Variants in HS3ST4 observed in about 807,000 individuals in gnomAD.
HS3ST4 encodes heparan sulfate-glucosamine 3-sulfotransferase 4, also known as heparan sulfate glucosamine 3-O-sulfotransferase 4.
HS3ST4 carries 17 observed loss-of-function variants against 29.2 expected under a neutral mutation model. The ratio of observed to expected loss-of-function variants is 0.58; its 90% confidence interval spans 0.40 to 0.87. The LOEUF is 0.87. HS3ST4 is among the 40% of genes least tolerant of loss of function. HS3ST4 has a pLI of 0.00. For missense variants in HS3ST4, 627 were observed against 634.5 expected (o/e 0.99, Z 0.13); for synonymous variants, 314 against 285.7 (o/e 1.10, Z -1.00).
chr16:25,907,657 C>A (rs1227274281), intron 1 of HS3ST4, among the ~76,000 whole-genome samples: 1 of 152,100 alleles, frequency 6.6e-6, no homozygotes, highest in East Asian at 1.9e-4. Flanking sequence ...CAATATTTAC[C>A]CTGCTCAAAG....
chr16:26,127,078 T>G (rs977529053), intron 1 of HS3ST4, among the ~76,000 whole-genome samples: 14 of 152,132 alleles, frequency 9.2e-5, no homozygotes, highest in Non-Finnish European at 1.5e-5. Flanking sequence ...GATGAGTCTC[T>G]GGAAGCAAAA....
intron 1 of HS3ST4, among the ~76,000 whole-genome samples, chr16:26,004,346 C>T (rs1969238418): frequency 6.6e-6 from 1 of 152,088 alleles, no homozygotes; most frequent in Non-Finnish European, 1.5e-5. Context: ...GTTTTAATAG[C>T]TGCTGATAAA....
intron 1 of HS3ST4, among the ~76,000 whole-genome samples, chr16:25,840,904 C>T (rs1294985422): frequency 6.6e-6 from 1 of 151,996 alleles, no homozygotes; most frequent in African/African-American, 2.4e-5. Flanking sequence ...GCTTATTGGT[C>T]TAAGACAGAA....
intron 1 of HS3ST4, among the ~76,000 whole-genome samples, chr16:25,770,932 A>T (rs996615255): frequency 1.3e-5 from 2 of 152,052 alleles, no homozygotes; most frequent in African/African-American, 4.8e-5. Flanking sequence ...GGTCCTCAGG[A>T]TGATCCTGGG....
chr16:25,742,204 ACTG>A (rs1966659027), intron 1 of HS3ST4, among the ~76,000 whole-genome samples: 1 of 152,178 alleles, frequency 6.6e-6, no homozygotes, highest in Non-Finnish European at 1.5e-5. Context: ...GCGCCTTGAC[ACTG>A]CTTTTTGTCA....
intron 1 of HS3ST4, among the ~76,000 whole-genome samples, chr16:25,893,410 C>T (rs966674374): frequency 6.6e-6 from 1 of 152,196 alleles, no homozygotes; most frequent in Admixed American, 6.5e-5. Flanking sequence ...GACAAAGTCC[C>T]AGGAAGGGAT....
intron 1 of HS3ST4, among the ~76,000 whole-genome samples, chr16:25,927,885 T>C (rs1968421975): frequency 6.6e-6 from 1 of 151,984 alleles, no homozygotes; most frequent in Non-Finnish European, 1.5e-5. Context: ...ACAGTCTCTG[T>C]TCTGATTAAT....
At chr16:26,006,435 C>T (rs571455921) in intron 1 of HS3ST4, among the ~76,000 whole-genome samples, 5 of 150,382 alleles carry the variant, frequency 3.3e-5, no homozygotes, top group African/African-American at 1.2e-4. Flanking sequence ...GTTCATTTTT[C>T]CTGCTGCCCA....
intron 1 of HS3ST4, among the ~76,000 whole-genome samples, chr16:25,749,280 G>C (rs986494995): frequency 1.3e-5 from 2 of 152,126 alleles, no homozygotes; most frequent in Non-Finnish European, 2.9e-5. Context: ...AATTGCTTGA[G>C]CCCAGGAGTT....
chr16:25,989,237 A>C (rs1969092890), intron 1 of HS3ST4, among the ~76,000 whole-genome samples: 1 of 152,246 alleles, frequency 6.6e-6, no homozygotes, highest in South Asian at 2.1e-4. Flanking sequence ...GTTGCAGTTC[A>C]CTGTGTATGG....
intron 1 of HS3ST4, among the ~76,000 whole-genome samples, chr16:25,787,604 ACCTGCCACCTGCACACTTAGGT>A (rs1966859563): frequency 6.6e-6 from 1 of 152,238 alleles, no homozygotes; most frequent in Admixed American, 6.5e-5. Context: ...GGTCTGGGTC[ACCTGCCACCTGCACACTTAGGT>A]CCTGCCTAAG....
rs558569934 is a variant in HS3ST4 at position 25,868,576 on chromosome 16, A to G, written c.734+175425A>G. Reference sequence around the variant, plus strand: ...AGAAAATATTGTGTAAACAGAGACCATTTGGTGAGACCTCCCTTTGCAAAG... The same window carrying G: ...AGAAAATATTGTGTAAACAGAGACCGTTTGGTGAGACCTCCCTTTGCAAAG... On this transcript the variant is annotated intron_variant, in intron 1 of 1. Transcript: ENST00000331351. 4.0e-4 allele frequency among the ~76,000 whole-genome samples: 61 copies of G among 152,344 alleles called. 1 individual carries two copies. The highest frequency in any genetic ancestry group is 2.1e-4 in the South Asian group (1 of 4,826).
intron 1 of HS3ST4, among the ~76,000 whole-genome samples, chr16:25,897,433 C>T (rs909606563): frequency 1.1e-4 from 17 of 152,212 alleles, no homozygotes; most frequent in Admixed American, 1.1e-3. Flanking sequence ...GCCTGGGCAA[C>T]AAAGTGAGAT....
intron 1 of HS3ST4, among the ~76,000 whole-genome samples, chr16:25,743,064 A>T (rs1382886565): frequency 6.6e-6 from 1 of 152,208 alleles, no homozygotes; most frequent in African/African-American, 2.4e-5. Context: ...CACGATACCC[A>T]GTTGCAACCT....
intron 1 of HS3ST4, among the ~76,000 whole-genome samples, chr16:25,714,212 T>C (rs774372264): frequency 6.6e-6 from 1 of 152,034 alleles, no homozygotes; most frequent in Non-Finnish European, 1.5e-5. Context: ...AACTAACAAA[T>C]ACATGAAAAT....
At chr16:26,063,858 G>A (rs531434521) in intron 1 of HS3ST4, among the ~76,000 whole-genome samples, 1 of 152,270 alleles carries the variant, frequency 6.6e-6, no homozygotes, top group African/African-American at 2.4e-5. Context: ...TTGGATGCCA[G>A]TAATGAACCT....
chr16:26,032,951 G>A (rs1969545694), intron 1 of HS3ST4: 1 of 713,092 alleles, frequency 1.4e-6, no homozygotes, highest in Non-Finnish European at 2.5e-6. Flanking sequence ...TTTAGATTCA[G>A]GCCCAAAGTA....
At chr16:25,980,019 A>C (rs1257298527) in intron 1 of HS3ST4, among the ~76,000 whole-genome samples, 1 of 152,132 alleles carries the variant, frequency 6.6e-6, no homozygotes, top group African/African-American at 2.4e-5. Context: ...CCCTCAGATC[A>C]TCTCACTACC....
rs114455128 is a variant in HS3ST4 at position 25,874,956 on chromosome 16, A to G, written c.734+181805A>G. ...ATAGTGCCTACCTCTTGGGATTATTAAAAGAATTAAACACAATTGCACACA... is the reference window on the plus strand; with the variant it reads ...ATAGTGCCTACCTCTTGGGATTATTGAAAGAATTAAACACAATTGCACACA... On this transcript the variant is annotated intron_variant, in intron 1 of 1. Transcript: ENST00000331351. Among the ~76,000 whole-genome samples the G allele has an allele frequency of 6.7e-3, 1,023 of 152,266 alleles. 9 individuals are homozygous for G. Among genetic ancestry groups the G allele is most frequent in the African/African-American group, 0.023 (962 of 41,546 alleles).
Sources: allele counts gnomAD v4.1 joint callset (sites outside exome capture counted in the v4.1 genomes callset), GRCh38; gene constraint gnomAD v4.1.1; transcripts MANE v1.5; gene names NCBI Gene and HGNC (gene_info 2026-07-23, HGNC 2026-07-21).